TMEM87A: variants seen among roughly 807,000 people sequenced by gnomAD.
The protein encoded by TMEM87A is Golgi-pH regulating cation channel.
TMEM87A carries 50 observed loss-of-function variants against 90.0 expected under a neutral mutation model. That is an observed-to-expected ratio of 0.56 (90% CI 0.44 to 0.70). The LOEUF is 0.70. Among genes scored for constraint, TMEM87A ranks in the 30% least tolerant of loss-of-function variants. TMEM87A has a pLI of 0.00. For missense variants in TMEM87A, 577 were observed against 660.5 expected (o/e 0.87, Z 1.39); for synonymous variants, 226 against 226.7 (o/e 1.00, Z 0.03).
chr15:42,269,676 C>T (rs2051474802), intron 2 of TMEM87A, among the ~76,000 whole-genome samples: 2 of 152,108 alleles, frequency 1.3e-5, no homozygotes, highest in Admixed American at 1.3e-4. Context: ...GTGGCTCACG[C>T]CTGTAATCCC....
chr15:42,234,588 CA>C (rs964718540), intron 10 of TMEM87A, among the ~76,000 whole-genome samples: 1 of 152,164 alleles, frequency 6.6e-6, no homozygotes, highest in Non-Finnish European at 1.5e-5. Flanking sequence ...ATTGAATAAA[CA>C]AACTTAAAAC....
intron 7 of TMEM87A, among the ~76,000 whole-genome samples, chr15:42,242,998 G>A (rs955555859): frequency 1.4e-4 from 22 of 152,044 alleles, no homozygotes; most frequent in Admixed American, 2.6e-4. Flanking sequence ...CAGGCACGGC[G>A]GCTCACCCCT....
chr15:42,254,520 A>T lies in TMEM87A; in HGVS notation c.504+6438T>A, dbSNP rs1397542586. Among the ~76,000 whole-genome samples the T allele has an allele frequency of 2.6e-5, 4 of 152,230 alleles. No homozygotes were observed. The East Asian group carries it at 7.7e-4, about 29-fold the overall frequency. On this transcript the variant is annotated intron_variant, in intron 6 of 19. Transcript: ENST00000389834. ...TCCAAACAATGGAATATGATTCAGCACTAAAAAGAAATGAACTATCAAGCC... is the reference window on the plus strand; with the variant it reads ...TCCAAACAATGGAATATGATTCAGCTCTAAAAAGAAATGAACTATCAAGCC...
At chr15:42,231,970 G>T in intron 11 of TMEM87A, 1 of 984,652 alleles carries the variant, frequency 1.0e-6, no homozygotes, top group Non-Finnish European at 1.4e-6. Flanking sequence ...AAAGTTGCTA[G>T]AAGTCTAAGA....
intron 3 of TMEM87A, among the ~76,000 whole-genome samples, chr15:42,264,783 T>C (rs1404852595): frequency 6.6e-6 from 1 of 151,106 alleles, no homozygotes; most frequent in African/African-American, 2.4e-5. Flanking sequence ...GGGAACTGTT[T>C]TACAGATTAT....
chr15:42,273,084 C>T, intron 1 of TMEM87A, 171 bp downstream of exon 1: 4 of 762,882 alleles, frequency 5.2e-6, no homozygotes, highest in Non-Finnish European at 8.6e-6. Context: ...CACAGAAGTG[C>T]GCGGCTTTCC....
chr15:42,224,221 T>G (rs1159550263), intron 15 of TMEM87A, among the ~76,000 whole-genome samples: 1 of 152,112 alleles, frequency 6.6e-6, no homozygotes, highest in East Asian at 1.9e-4. Context: ...CCAGGAGGGG[T>G]TGGAAACTAA....
chr15:42,237,260 G>A (rs968717939), intron 9 of TMEM87A, among the ~76,000 whole-genome samples, 172 bp downstream of exon 9: 3 of 152,116 alleles, frequency 2.0e-5, no homozygotes, highest in Non-Finnish European at 4.4e-5. Flanking sequence ...TTACATCACT[G>A]AACTCATAAG....
chr15:42,251,954 G>A (rs923502681), intron 6 of TMEM87A, among the ~76,000 whole-genome samples: 1 of 152,318 alleles, frequency 6.6e-6, no homozygotes, highest in Middle Eastern at 3.4e-3. Flanking sequence ...CTCAGCAATG[G>A]CGATGCCCCT....
intron 12 of TMEM87A, among the ~76,000 whole-genome samples, chr15:42,230,579 A>C (rs1397463497): frequency 6.6e-6 from 1 of 152,250 alleles, no homozygotes; most frequent in African/African-American, 2.4e-5. Flanking sequence ...AGATTGCTCA[A>C]ATAGAAGCTT....
In TMEM87A at chr15:42,227,788, C is replaced by G. The variant is rs769459278; in HGVS notation, c.1241-19G>C. On this transcript the variant is annotated intron_variant, in intron 13 of 19. Transcript: ENST00000389834. ...ATGGATGCTAACAGTAAATGAAAAA[C>G]CAGGTCAGAGTATGAATGCTGGTTT... is the stretch of plus-strand genomic sequence containing the variant. 7 of 1,612,672 alleles carry G rather than the reference C, an allele frequency of 4.3e-6. No homozygotes were observed.
chr15:42,218,155 T>A (rs2050413045), intron 18 of TMEM87A, 168 bp downstream of exon 18: 1 of 722,502 alleles, frequency 1.4e-6, no homozygotes, highest in Non-Finnish European at 2.3e-6. Flanking sequence ...AGCAGAAATG[T>A]CATCTGAATG....
chr15:42,251,786 C>T (rs1301409381), intron 6 of TMEM87A, among the ~76,000 whole-genome samples: 3 of 152,356 alleles, frequency 2.0e-5, no homozygotes, highest in South Asian at 4.1e-4. Flanking sequence ...TCAGAGCTGT[C>T]AGACAGGGAC....
chr15:42,230,503 T>G, intron 12 of TMEM87A, among the ~76,000 whole-genome samples: 1 of 152,314 alleles, frequency 6.6e-6, no homozygotes, highest in African/African-American at 2.4e-5. Flanking sequence ...GTCCAAAAAC[T>G]TGAATCCTTT....
At chr15:42,272,770 G>A (rs541676419) in intron 1 of TMEM87A, 2 of 364,392 alleles carry the variant, frequency 5.5e-6, no homozygotes, top group Admixed American at 3.9e-5. Flanking sequence ...ACACAGTAAA[G>A]CTTAGAATAG....
At chr15:42,266,037 T>C (rs1320132227) in intron 3 of TMEM87A, among the ~76,000 whole-genome samples, 1 of 152,236 alleles carries the variant, frequency 6.6e-6, no homozygotes, top group African/African-American at 2.4e-5. Context: ...TGCGGCCTTA[T>C]TTCTGGGCTG....
At chr15:42,238,500 C>G (rs1312992653) in intron 8 of TMEM87A, among the ~76,000 whole-genome samples, 3 of 151,864 alleles carry the variant, frequency 2.0e-5, no homozygotes, top group South Asian at 2.1e-4. Flanking sequence ...AACCCAGGAG[C>G]TGGAGGTTGC....
At chr15:42,216,331 A>G (rs1333987020) in intron 19 of TMEM87A, among the ~76,000 whole-genome samples, 1 of 152,230 alleles carries the variant, frequency 6.6e-6, no homozygotes. Flanking sequence ...ATACGTAATA[A>G]TACTGTAACG....
chr15:42,217,782 G>A (rs757846760), intron 19 of TMEM87A, 21 bp downstream of exon 19: 1 of 1,609,908 alleles, frequency 6.2e-7, no homozygotes, highest in East Asian at 2.2e-5. Flanking sequence ...CATAATTTAT[G>A]CACGTGAATT....
Sources: gnomAD v4.1 joint callset for allele counts (sites outside exome capture counted in the v4.1 genomes callset) on GRCh38, gnomAD v4.1.1 for gene constraint, MANE v1.5 for transcripts, NCBI Gene and HGNC (gene_info 2026-07-23, HGNC 2026-07-21) for gene names.